Variants in PTPRM observed in about 807,000 individuals in gnomAD.
PTPRM encodes protein tyrosine phosphatase receptor type M.
A neutral mutation model predicts 186.7 loss-of-function variants in PTPRM; 47 were observed. The observed-to-expected ratio is 0.25, with a 90% CI of 0.20 to 0.32. The LOEUF is 0.32. Ranked by LOEUF, PTPRM falls within the 10% of genes least tolerant of loss-of-function variation. The pLI, the probability that PTPRM is intolerant of heterozygous loss-of-function variation, is 1.00. For synonymous variants in PTPRM, 668 were observed against 674.9 expected (o/e 0.99, Z 0.16); for missense variants, 1,494 against 1,865.0 (o/e 0.80, Z 3.66).
chr18:8,012,125 C>T (rs974436428), intron 7 of PTPRM, among the ~76,000 whole-genome samples: 6 of 152,220 alleles, frequency 3.9e-5, no homozygotes, highest in Non-Finnish European at 7.3e-5. Flanking sequence ...GGGGCATTGA[C>T]CTGTGCTACT....
chr18:7,672,238 T>C (rs1314255164), intron 1 of PTPRM, among the ~76,000 whole-genome samples: 1 of 152,182 alleles, frequency 6.6e-6, no homozygotes, highest in South Asian at 2.1e-4. Flanking sequence ...AAAACAATAA[T>C]TTGTCATTTA....
chr18:8,265,961 G>A (rs1045347380), intron 19 of PTPRM, among the ~76,000 whole-genome samples: 4 of 152,088 alleles, frequency 2.6e-5, no homozygotes, highest in African/African-American at 9.7e-5. Context: ...AGATCTGTGT[G>A]GGGACATGGC....
At chr18:8,367,773 A>G (rs939979791) in intron 23 of PTPRM, among the ~76,000 whole-genome samples, 1 of 152,240 alleles carries the variant, frequency 6.6e-6, no homozygotes, top group African/African-American at 2.4e-5. Flanking sequence ...TGCAAGGGGC[A>G]TTTGATTTCC....
intron 20 of PTPRM, among the ~76,000 whole-genome samples, chr18:8,313,166 A>G (rs2095282227): frequency 6.6e-6 from 1 of 152,186 alleles, no homozygotes; most frequent in Admixed American, 6.5e-5. Flanking sequence ...CCACTAACCC[A>G]AAAGAAATGT....
intron 2 of PTPRM, among the ~76,000 whole-genome samples, chr18:7,841,668 G>A (rs762734604): frequency 6.6e-6 from 1 of 152,092 alleles, no homozygotes; most frequent in Admixed American, 6.6e-5. Flanking sequence ...CTGGCACCAC[G>A]GTTGCTTAAA....
chr18:7,893,510 G>C (rs530539393), intron 3 of PTPRM, among the ~76,000 whole-genome samples: 1 of 152,298 alleles, frequency 6.6e-6, no homozygotes, highest in South Asian at 2.1e-4. Flanking sequence ...AAATGGGGAA[G>C]AAGAAGATCA....
intron 1 of PTPRM, among the ~76,000 whole-genome samples, chr18:7,680,470 G>T (rs1465577807): frequency 6.6e-6 from 1 of 152,176 alleles, no homozygotes; most frequent in African/African-American, 2.4e-5. Flanking sequence ...CACAATATAA[G>T]AATATATTGT....
chr18:7,904,501 A>G (rs143650689), intron 3 of PTPRM, among the ~76,000 whole-genome samples: 2,586 of 152,324 alleles, frequency 0.017, 22 homozygotes, highest in South Asian at 0.033. Flanking sequence ...AATGTTACAT[A>G]AATGGAATCA....
intron 11 of PTPRM, among the ~76,000 whole-genome samples, chr18:8,097,942 ATAT>A (rs1187886582): frequency 6.6e-6 from 1 of 152,204 alleles, no homozygotes; most frequent in Non-Finnish European, 1.5e-5. Context: ...TGGTCCTGAA[ATAT>A]TATAATACTG....
intron 32 of PTPRM, among the ~76,000 whole-genome samples, chr18:8,398,375 A>G (rs1177350218): frequency 6.6e-6 from 1 of 152,214 alleles, no homozygotes; most frequent in African/African-American, 2.4e-5. Context: ...CAAGAGAAGT[A>G]GAAGATACAG....
intron 8 of PTPRM, among the ~76,000 whole-genome samples, chr18:8,075,406 T>G (rs2089745452): frequency 6.6e-6 from 1 of 152,114 alleles, no homozygotes; most frequent in African/African-American, 2.4e-5. Flanking sequence ...GGTCATTCAC[T>G]TCATCACCAA....
rs2053241798 is a variant in PTPRM at position 7,955,423 on chromosome 18, A to C, written c.1132+9A>C. On this transcript the variant is annotated intron_variant, in intron 7 of 32. Coordinates refer to ENST00000580170, the MANE Select transcript of PTPRM (RefSeq NM_001105244.2). The stretch of plus-strand genomic sequence containing the variant: ...AAGAACAAAGTGTGCTGGTGAGTAT[A>C]AGGAACCCTGCAATTAATTGTCATT... 9 of 1,602,326 alleles carry C rather than the reference A, an allele frequency of 5.6e-6. No homozygotes were observed. The highest frequency in any genetic ancestry group is 7.7e-6 in the Non-Finnish European group (9 of 1,172,526).
intron 19 of PTPRM, among the ~76,000 whole-genome samples, chr18:8,279,369 A>T (rs1487666230): frequency 6.6e-6 from 1 of 152,202 alleles, no homozygotes; most frequent in African/African-American, 2.4e-5. Flanking sequence ...CCGACCCTTA[A>T]TTAAAGGGAC....
chr18:7,953,128 T>C (rs931976971), intron 6 of PTPRM, among the ~76,000 whole-genome samples: 8 of 152,272 alleles, frequency 5.3e-5, no homozygotes, highest in African/African-American at 1.7e-4. Context: ...ATTTAGCATA[T>C]CTGGTACTTT....
At position 7,849,471 on chromosome 18, in the gene PTPRM, A is replaced by G. The variant is rs946150652; in HGVS notation, c.197-38635A>G. 2.6e-5 allele frequency among the ~76,000 whole-genome samples: 4 copies of G among 152,322 alleles called. No homozygotes were observed. In the East Asian group the frequency reaches 7.7e-4, roughly 29 times the overall value. ...AAAATTCAGATGAAAGTGGATCTCT[A>G]AAAAATAGATGTTAACTCTAGCTCC... On this transcript the variant is annotated intron_variant, in intron 2 of 32. Coordinates refer to ENST00000580170, the MANE Select transcript of PTPRM (RefSeq NM_001105244.2).
At chr18:8,217,504 C>T (rs954699713) in intron 14 of PTPRM, among the ~76,000 whole-genome samples, 7 of 152,132 alleles carry the variant, frequency 4.6e-5, no homozygotes, top group East Asian at 1.9e-4. Context: ...CCTTGTTTAA[C>T]GAGCCGTTTT....
chr18:7,631,134 A>C (rs2038181596), intron 1 of PTPRM, among the ~76,000 whole-genome samples: 1 of 152,202 alleles, frequency 6.6e-6, no homozygotes. Flanking sequence ...GACTTTAATT[A>C]AGAAGGTTTT....
In PTPRM at chr18:8,368,503, C is replaced by A. The variant is rs116272467; in HGVS notation, c.3055-2387C>A. Among the ~76,000 whole-genome samples the A allele has an allele frequency of 8.8e-3, 1,343 of 152,250 alleles. 2 individuals are homozygous for A. Among genetic ancestry groups the A allele is most frequent in the African/African-American group, 0.014 (602 of 41,556 alleles). ...AAGAAGGCTGAGCACTTACTGAGGGCAGGGACCATCATTGTCTCCTGCTTT... is the reference window on the plus strand; with the variant it reads ...AAGAAGGCTGAGCACTTACTGAGGGAAGGGACCATCATTGTCTCCTGCTTT... On this transcript the variant is annotated intron_variant, in intron 23 of 32. Transcript: ENST00000580170.
intron 24 of PTPRM, 95 bp from the exon 25 acceptor site, chr18:8,375,951 C>A: frequency 7.4e-7 from 1 of 1,357,068 alleles, no homozygotes; most frequent in Non-Finnish European, 1.0e-6. Context: ...AGACTTGCTA[C>A]CTGGGGACTG....
Sources: allele counts gnomAD v4.1 joint callset (sites outside exome capture counted in the v4.1 genomes callset), GRCh38; gene constraint gnomAD v4.1.1; transcripts MANE v1.5; gene names NCBI Gene and HGNC (gene_info 2026-07-23, HGNC 2026-07-21).